STAB2: variants seen among roughly 807,000 people sequenced by gnomAD.
The protein encoded by STAB2 is stabilin-2.
A neutral mutation model predicts 338.1 loss-of-function variants in STAB2; 288 were observed. The observed-to-expected ratio is 0.85, with a 90% confidence interval of 0.77 to 0.94. STAB2 has a LOEUF of 0.94. Among genes scored for constraint, STAB2 ranks in the 40% least tolerant of loss-of-function variants. The pLI is 0.00. For synonymous variants in STAB2, 1,202 were observed against 1,193.3 expected (o/e 1.01, Z -0.15); for missense variants, 3,141 against 3,210.1 (o/e 0.98, Z 0.52).
At chr12:103,703,827 C>A (rs73189891) in intron 35 of STAB2, among the ~76,000 whole-genome samples, 6,584 of 152,258 alleles carry the variant, frequency 0.043, 175 homozygotes, top group African/African-American at 0.07. Context: ...CGTTATATGC[C>A]GGGCACTGCT....
intron 65 of STAB2, among the ~76,000 whole-genome samples, chr12:103,760,703 G>A (rs894687862): frequency 1.3e-5 from 2 of 152,212 alleles, no homozygotes; most frequent in African/African-American, 4.8e-5. Context: ...GACATGCAGA[G>A]AGTAGTGCCT....
chr12:103,608,188 G>T (rs1384020164), intron 3 of STAB2, among the ~76,000 whole-genome samples: 2 of 152,208 alleles, frequency 1.3e-5, no homozygotes, highest in African/African-American at 4.8e-5. Flanking sequence ...GCCCAGGCTG[G>T]AGTGCAGTGG....
At position 103,627,804 on chromosome 12, in the gene STAB2, C is replaced by T. The variant is rs192889827; in HGVS notation, c.488-3794C>T. Among the ~76,000 whole-genome samples the T allele has an allele frequency of 5.9e-5, 9 of 152,338 alleles. No individual in the cohort carries two copies. In the East Asian group the frequency reaches 1.5e-3, roughly 26 times the overall value. On this transcript the variant is annotated intron_variant, in intron 5 of 68. Transcript: ENST00000388887. ...CATCTGAGTTGGGAGCAGGAGCCCT[C>T]TGTGCCCCTCACCTTCCTCCACTGG... is the stretch of plus-strand genomic sequence containing the variant.
intron 23 of STAB2, among the ~76,000 whole-genome samples, chr12:103,675,186 T>C (rs905147615): frequency 1.2e-4 from 18 of 152,170 alleles, no homozygotes; most frequent in African/African-American, 4.3e-4. Flanking sequence ...GACCTGGGGG[T>C]ACAATGTCCC....
intron 39 of STAB2, among the ~76,000 whole-genome samples, chr12:103,709,768 T>C (rs776150023): frequency 6.6e-6 from 1 of 152,108 alleles, no homozygotes. Context: ...AATGTCAGGG[T>C]ACAGAGCCAG....
intron 48 of STAB2, 64 bp downstream of exon 48, chr12:103,729,059 G>A: frequency 6.6e-7 from 1 of 1,526,248 alleles, no homozygotes; most frequent in Non-Finnish European, 9.0e-7. Context: ...GAACCTGGAT[G>A]GAGCTGGAGG....
In STAB2 at chr12:103,637,149, T is replaced by C; in HGVS notation, c.622T>C (p.Ser208Pro). The change falls in exon 7 of 69, where the codon TCC (serine) becomes CCC (proline). Residue 208 changes from serine to proline, a missense_variant. Transcript: ENST00000388887. ...ECAALLCPEN[S>P]RCSPSTEDEN... ...TGCAGCCTTGCTCTGCCCAGAAAAT[T>C]CCAGATGTTCGCCTTCCACTGAAGA... is the stretch of plus-strand genomic sequence containing the variant. 1 of 1,613,068 alleles carries C rather than the reference T, an allele frequency of 6.2e-7. No homozygotes were observed. Among genetic ancestry groups the C allele is most frequent in the Non-Finnish European group, 8.5e-7 (1 of 1,179,740 alleles).
At chr12:103,745,145 G>T in intron 56 of STAB2, 28 bp from the exon 57 acceptor site, 1 of 1,599,064 alleles carries the variant, frequency 6.3e-7, no homozygotes, top group South Asian at 1.1e-5. Flanking sequence ...AACCCCTGAT[G>T]ACTGACCATA....
intron 44 of STAB2, among the ~76,000 whole-genome samples, chr12:103,724,172 A>G (rs1025140181): frequency 3.3e-5 from 5 of 152,198 alleles, no homozygotes; most frequent in Admixed American, 2.0e-4. Context: ...GGAAGTGACA[A>G]TGTACAGTAA....
intron 24 of STAB2, among the ~76,000 whole-genome samples, 189 bp downstream of exon 24, chr12:103,676,210 T>G (rs997597704): frequency 6.6e-6 from 1 of 152,160 alleles, no homozygotes; most frequent in East Asian, 1.9e-4. Flanking sequence ...TACAGGCACG[T>G]GCCACCACCC....
chr12:103,694,813 A>G (rs1374988793), intron 31 of STAB2, among the ~76,000 whole-genome samples: 1 of 152,144 alleles, frequency 6.6e-6, no homozygotes, highest in Non-Finnish European at 1.5e-5. Flanking sequence ...GAAAATAGTG[A>G]TCTTGGCCAG....
At chr12:103,622,693 T>C (rs1957321127) in intron 5 of STAB2, among the ~76,000 whole-genome samples, 1 of 152,224 alleles carries the variant, frequency 6.6e-6, no homozygotes, top group South Asian at 2.1e-4. Flanking sequence ...AATGCAGTCA[T>C]TGAAAACAGA....
chr12:103,752,178 T>A (rs1049638143), intron 60 of STAB2, among the ~76,000 whole-genome samples: 3 of 152,066 alleles, frequency 2.0e-5, no homozygotes, highest in Admixed American at 6.5e-5. Context: ...TCACAGAAAA[T>A]TAGAAATAAC....
At chr12:103,747,312 A>T (rs1261835447) in intron 58 of STAB2, among the ~76,000 whole-genome samples, 1 of 152,262 alleles carries the variant, frequency 6.6e-6, no homozygotes, top group Non-Finnish European at 1.5e-5. Context: ...CCAAATGAAC[A>T]GTGGCATAAA....
chr12:103,760,988 C>T (rs934874187), intron 65 of STAB2, among the ~76,000 whole-genome samples: 3 of 89,984 alleles, frequency 3.3e-5, no homozygotes, highest in African/African-American at 5.1e-5. Context: ...GCAGCGTCCA[C>T]AGGCATGGGG....
chr12:103,617,138 G>A (rs1028859046), intron 3 of STAB2, among the ~76,000 whole-genome samples: 1 of 152,194 alleles, frequency 6.6e-6, no homozygotes, highest in African/African-American at 2.4e-5. Flanking sequence ...TCAAGTAGAT[G>A]AAGTGATGAG....
chr12:103,766,437 G>A lies in STAB2; in HGVS notation c.*101G>A. 7.4e-7 allele frequency: 1 copy of A among 1,346,486 alleles called. No homozygotes were observed. The highest frequency in any genetic ancestry group is 1.0e-6 in the Non-Finnish European group (1 of 979,956). 83.4% of individuals were successfully genotyped at this position (1,346,486 alleles called of 1,614,324 possible). A position where few individuals can be genotyped will look rare whatever the true frequency, so the allele number is the denominator to read the frequency against. On this transcript the variant is annotated 3_prime_UTR_variant, in exon 69 of 69. Coordinates refer to ENST00000388887, the MANE Select transcript of STAB2 (RefSeq NM_017564.10). ...CTTTTAGGAACGTAAAGTCCTTTAA[G>A]CACTCAGAAGCCATACCTCATCTCT...
rs572023206 is a variant in STAB2 at position 103,754,322 on chromosome 12, ATTT to A, written c.6714+972_6714+974del. On this transcript the variant is annotated intron_variant, in intron 61 of 68. Transcript: ENST00000388887. ...TAATATGGCACACAGTAGGAACTCA[ATTT>A]TTAAGATTATTAAAAGATCTGGAAT... 2.0e-5 allele frequency among the ~76,000 whole-genome samples: 3 copies of A among 152,092 alleles called. No homozygotes were observed. The South Asian group carries it at 6.2e-4, about 32-fold the overall frequency.
chr12:103,651,669 G>T (rs1203984386), intron 11 of STAB2, among the ~76,000 whole-genome samples: 1 of 151,958 alleles, frequency 6.6e-6, no homozygotes, highest in Non-Finnish European at 1.5e-5. Context: ...CTGTGAAACA[G>T]ATCAGCCAGA....
Sources: gnomAD v4.1 joint callset for allele counts (sites outside exome capture counted in the v4.1 genomes callset) on GRCh38, gnomAD v4.1.1 for gene constraint, MANE v1.5 for transcripts, NCBI Gene and HGNC (gene_info 2026-07-23, HGNC 2026-07-21) for gene names.